CDH13: variants seen among roughly 807,000 people sequenced by gnomAD.
The protein encoded by CDH13 is cadherin-13.
CDH13 carries 24 observed loss-of-function variants against 63.8 expected under a neutral mutation model. The ratio of observed to expected loss-of-function variants is 0.38; its 90% CI spans 0.27 to 0.53. The LOEUF is 0.53. CDH13 is among the 20% of genes least tolerant of loss of function. The pLI, the probability that CDH13 is intolerant of heterozygous loss-of-function variation, is 0.85. For synonymous variants in CDH13, 503 were observed against 355.3 expected (o/e 1.42, Z -4.67); for missense variants, 1,049 against 903.1 (o/e 1.16, Z -2.07).
intron 1 of CDH13, among the ~76,000 whole-genome samples, chr16:82,770,658 T>C (rs1284733667): frequency 6.6e-6 from 1 of 152,204 alleles, no homozygotes; most frequent in East Asian, 1.9e-4. Flanking sequence ...TATTCTTCCA[T>C]TTGGAGATAC....
At chr16:83,189,968 A>G (rs2038645901) in intron 4 of CDH13, among the ~76,000 whole-genome samples, 1 of 152,124 alleles carries the variant, frequency 6.6e-6, no homozygotes, top group Non-Finnish European at 1.5e-5. Flanking sequence ...GCCCCCATGT[A>G]AGACGTGACT....
intron 3 of CDH13, among the ~76,000 whole-genome samples, chr16:83,118,784 G>C (rs568941710): frequency 2.0e-5 from 3 of 151,996 alleles, no homozygotes; most frequent in African/African-American, 7.2e-5. Flanking sequence ...GTCCTGTCTC[G>C]AGGGGAGCAG....
chr16:82,718,544 G>C (rs1432676145), intron 1 of CDH13, among the ~76,000 whole-genome samples: 2 of 152,164 alleles, frequency 1.3e-5, no homozygotes, highest in African/African-American at 4.8e-5. Flanking sequence ...GCACAGTGTA[G>C]TGTTGTATTA....
intron 1 of CDH13, among the ~76,000 whole-genome samples, chr16:82,634,099 C>A (rs1462166024): frequency 1.3e-5 from 2 of 152,246 alleles, no homozygotes; most frequent in Non-Finnish European, 2.9e-5. Context: ...CCCTGTGTCT[C>A]CTAGCTGAAC....
intron 7 of CDH13, among the ~76,000 whole-genome samples, chr16:83,513,142 G>A (rs997768686): frequency 7.2e-5 from 11 of 152,134 alleles, no homozygotes; most frequent in Admixed American, 7.2e-4. Context: ...CTAGTCCCAT[G>A]AGAAAAAGAT....
chr16:83,692,124 C>T (rs1459371516), intron 10 of CDH13, among the ~76,000 whole-genome samples: 2 of 152,206 alleles, frequency 1.3e-5, no homozygotes, highest in Non-Finnish European at 2.9e-5. Flanking sequence ...GAAGCGTGCC[C>T]TGTGTGTGCA....
chr16:82,738,660 T>A (rs184704042), intron 1 of CDH13, among the ~76,000 whole-genome samples: 1 of 152,346 alleles, frequency 6.6e-6, no homozygotes, highest in East Asian at 1.9e-4. Flanking sequence ...TGCCAGTATC[T>A]ACCATTTCCT....
At chr16:82,693,603 C>T (rs968674607) in intron 1 of CDH13, among the ~76,000 whole-genome samples, 2 of 152,224 alleles carry the variant, frequency 1.3e-5, no homozygotes, top group Non-Finnish European at 2.9e-5. Flanking sequence ...GACACTTATG[C>T]AAACATGCCA....
intron 1 of CDH13, among the ~76,000 whole-genome samples, chr16:82,697,216 C>G (rs1313485923): frequency 1.3e-5 from 2 of 152,116 alleles, no homozygotes; most frequent in Non-Finnish European, 2.9e-5. Flanking sequence ...TTCAAAACCA[C>G]CACACTATGT....
At chr16:83,590,035 T>G (rs1185325343) in intron 7 of CDH13, among the ~76,000 whole-genome samples, 1 of 152,030 alleles carries the variant, frequency 6.6e-6, no homozygotes, top group African/African-American at 2.4e-5. Flanking sequence ...AAGGTATGAA[T>G]TACAAATAGC....
At chr16:83,126,070 C>A (rs2035798764) in intron 4 of CDH13, among the ~76,000 whole-genome samples, 1 of 152,198 alleles carries the variant, frequency 6.6e-6, no homozygotes, top group Non-Finnish European at 1.5e-5. Flanking sequence ...TCAGTACATT[C>A]TCCCCTCTTT....
chr16:83,290,342 G>A (rs553733176), intron 5 of CDH13, among the ~76,000 whole-genome samples: 13 of 152,154 alleles, frequency 8.5e-5, no homozygotes, highest in Admixed American at 2.6e-4. Flanking sequence ...TAATCCCCTC[G>A]TGTCATGGGA....
At chr16:83,503,510 C>A (rs1382931454) in intron 7 of CDH13, among the ~76,000 whole-genome samples, 1 of 152,040 alleles carries the variant, frequency 6.6e-6, no homozygotes, top group East Asian at 1.9e-4. Context: ...GGAAAGGAGA[C>A]ATAGCTAGGG....
chr16:82,778,091 C>T (rs887309426), intron 1 of CDH13, among the ~76,000 whole-genome samples: 3 of 152,164 alleles, frequency 2.0e-5, no homozygotes, highest in Non-Finnish European at 4.4e-5. Flanking sequence ...CAAGGACATG[C>T]ATATGAGGAG....
intron 2 of CDH13, among the ~76,000 whole-genome samples, chr16:82,909,250 A>ATGTGTGTGTG (rs945671440): frequency 3.1e-5 from 3 of 96,326 alleles, no homozygotes; most frequent in Admixed American, 1.2e-4. Flanking sequence ...GACTGACTGT[A>ATGTGTGTGTG]TATGTGTGTG....
Position 83,796,312 on chromosome 16 carries a change from G to A in CDH13, c.*1282G>A, listed in dbSNP as rs1000271273. On this transcript the variant is annotated 3_prime_UTR_variant, in exon 14 of 14. Coordinates refer to ENST00000567109, the MANE Select transcript of CDH13 (RefSeq NM_001257.5). The stretch of plus-strand genomic sequence containing the variant: ...GTGGCTTTTTATTAGAGCTCGCCAC[G>A]AACTAGGGTAAGGTGAGTGTCTTAG... 20 of 152,190 alleles carry A rather than the reference G, an allele frequency of 1.3e-4. No individual in the cohort carries two copies. The highest frequency in any genetic ancestry group is 2.6e-4 in the Non-Finnish European group (18 of 68,032). 9.4% of individuals were successfully genotyped at this position (152,190 alleles called of 1,614,324 possible).
At chr16:83,199,795 G>C (rs1411811405) in intron 4 of CDH13, among the ~76,000 whole-genome samples, 1 of 152,176 alleles carries the variant, frequency 6.6e-6, no homozygotes, top group Non-Finnish European at 1.5e-5. Context: ...CAGGAATGCA[G>C]GTCTATTATT....
intron 8 of CDH13, among the ~76,000 whole-genome samples, chr16:83,609,642 G>T (rs1908676199): frequency 6.6e-6 from 1 of 152,108 alleles, no homozygotes. Context: ...ATGATGTCAG[G>T]ATACCTGTTT....
chr16:83,718,894 T>C (rs751384770), intron 10 of CDH13, among the ~76,000 whole-genome samples: 133 of 152,202 alleles, frequency 8.7e-4, no homozygotes, highest in Non-Finnish European at 1.4e-3. Flanking sequence ...ACCCCAGTCA[T>C]TGGGTGAGGG....
Sources: allele counts gnomAD v4.1 joint callset (sites outside exome capture counted in the v4.1 genomes callset), GRCh38; gene constraint gnomAD v4.1.1; transcripts MANE v1.5; gene names NCBI Gene and HGNC (gene_info 2026-07-23, HGNC 2026-07-21).